Variants in OTOA observed in about 807,000 individuals in gnomAD.
The protein encoded by OTOA is otoancorin.
In OTOA, 70 loss-of-function variants were observed where a neutral mutation model predicts 110.8. The observed-to-expected ratio is 0.63, with a 90% CI of 0.52 to 0.77. The LOEUF (loss-of-function observed/expected upper bound fraction) is 0.77. Ranked by LOEUF, OTOA falls within the 30% of genes least tolerant of loss-of-function variation. The pLI, the probability that OTOA is intolerant of heterozygous loss-of-function variation, is 0.00. For synonymous variants in OTOA, 373 were observed against 431.5 expected (o/e 0.86, Z 1.68); for missense variants, 917 against 1,075.8 (o/e 0.85, Z 2.06).
intron 28 of OTOA, among the ~76,000 whole-genome samples, chr16:21,758,161 C>G (rs1168913932): frequency 2.0e-5 from 3 of 151,822 alleles, no homozygotes; most frequent in South Asian, 2.1e-4. Context: ...TTTTTCTCCC[C>G]CATGCCTTTC....
At chr16:21,689,570 G>T (rs1255724431) in intron 8 of OTOA, among the ~76,000 whole-genome samples, 2 of 152,134 alleles carry the variant, frequency 1.3e-5, no homozygotes, top group Non-Finnish European at 2.9e-5. Context: ...AATAGTTTTA[G>T]GTGTAGGGCT....
rs143918653 is a variant in OTOA at position 21,697,989 on chromosome 16, C to T, written c.840+114C>T. ...TCAAGGTGCCTTGGAAATTGTGTAC[C>T]CTCCTCAGCCCAATAGACCTTGGGC... On this transcript the variant is annotated intron_variant, in intron 10 of 28. Transcript: ENST00000646100. The T allele has an allele frequency of 4.5e-6, 4 of 883,874 alleles. No homozygotes were observed. The African/African-American group carries it at 6.6e-5, about 15-fold the overall frequency. 54.8% of individuals were successfully genotyped at this position (883,874 alleles called of 1,614,324 possible). A position where few individuals can be genotyped will look rare whatever the true frequency, so the allele number is the denominator to read the frequency against.
intron 19 of OTOA, 82 bp downstream of exon 19, chr16:21,726,740 A>T: frequency 6.4e-7 from 1 of 1,572,362 alleles, no homozygotes; most frequent in Admixed American, 1.7e-5. Flanking sequence ...TCTGGCTAGG[A>T]TCTTGAGCCT....
intron 1 of OTOA, among the ~76,000 whole-genome samples, chr16:21,675,063 GT>G (rs998489163): frequency 1.6e-5 from 2 of 123,256 alleles, no homozygotes; most frequent in Admixed American, 8.8e-5. Context: ...TTTTCTTTCT[GT>G]CTTTCTTTCT....
chr16:21,719,159 A>G lies in OTOA; in HGVS notation c.1656A>G (p.Leu552=), dbSNP rs1218837758. ...SQALFLYELL[L]KTTRRPEELL... is the part of the protein sequence containing the mutation. ...CTCTGTTCCTGTATGAGCTTCTGTT[A>G]AAGACCACCAGAAGGCCTGAGGAGC... Residue 552 remains leucine, a synonymous_variant, in exon 16 of 29, where the codon TTA becomes TTG. Transcript: ENST00000646100. 6.2e-7 allele frequency: 1 copy of G among 1,614,028 alleles called. No homozygotes were observed. Among genetic ancestry groups the G allele is most frequent in the Non-Finnish European group, 8.5e-7 (1 of 1,180,016 alleles).
At chr16:21,667,716 C>T (rs1055638978) in intron 1 of OTOA, among the ~76,000 whole-genome samples, 47 of 152,090 alleles carry the variant, frequency 3.1e-4, no homozygotes, top group South Asian at 8.3e-4. Context: ...GGTCCCTGTC[C>T]CAAGTACTCA....
At chr16:21,674,268 C>T (rs766443376) in intron 1 of OTOA, among the ~76,000 whole-genome samples, 1 of 152,132 alleles carries the variant, frequency 6.6e-6, no homozygotes, top group East Asian at 1.9e-4. Flanking sequence ...TGTGAGTGAT[C>T]CAGTTTCTCC....
At chr16:21,666,865 G>T (rs1321802969) in intron 1 of OTOA, among the ~76,000 whole-genome samples, 1 of 152,056 alleles carries the variant, frequency 6.6e-6, no homozygotes, top group East Asian at 1.9e-4. Context: ...GCAGTTTCTC[G>T]CTGGAAAAAG....
chr16:21,682,278 G>T (rs1479563390), intron 6 of OTOA, among the ~76,000 whole-genome samples: 1 of 152,180 alleles, frequency 6.6e-6, no homozygotes, highest in Non-Finnish European at 1.5e-5. Flanking sequence ...CCAGGGGATG[G>T]GTGGGAAGAA....
At chr16:21,698,600 T>C (rs1207302267) in intron 10 of OTOA, among the ~76,000 whole-genome samples, 1 of 152,140 alleles carries the variant, frequency 6.6e-6, no homozygotes, top group Non-Finnish European at 1.5e-5. Context: ...GTGAGAGAAG[T>C]GTTTGCATCA....
intron 28 of OTOA, among the ~76,000 whole-genome samples, chr16:21,757,634 T>TATTATTATTATTATTA (rs1567410876): frequency 6.6e-6 from 1 of 152,114 alleles, no homozygotes; most frequent in African/African-American, 2.4e-5. Context: ...TTATTATTAT[T>TATTATTATTATTATTA]TTGACTCAGA....
chr16:21,668,459 CT>C (rs374673931), intron 1 of OTOA, among the ~76,000 whole-genome samples: 206 of 122,022 alleles, frequency 1.7e-3, no homozygotes, highest in East Asian at 0.011. Flanking sequence ...TTGTTTCTTT[CT>C]TTTTTTTTTT....
chr16:21,719,478 A>G lies in OTOA; in HGVS notation c.1780A>G (p.Asn594Asp), dbSNP rs759444825. The change falls in exon 17 of 29, where the codon AAC becomes GAC. Residue 594 changes from asparagine (N) to aspartate (D), a missense_variant. This residue lies in a region of OTOA where 840 missense variants were observed against 910.2 expected (regional missense o/e 0.92). Coordinates refer to ENST00000646100, the MANE Select transcript of OTOA (RefSeq NM_144672.4). Reference protein sequence around the residue: ...FLAHFQDFQNNFALLSPYQVN... With the variant: ...FLAHFQDFQNDFALLSPYQVN... ...GGCCCATTTCCAGGATTTTCAGAAC[A>G]ACTTCGCCCTGCTTTCACCCTATCA... 6.2e-7 allele frequency: 1 copy of G among 1,614,062 alleles called. No individual in the cohort carries two copies. The highest frequency in any genetic ancestry group is 1.1e-5 in the South Asian group (1 of 91,078).
At chr16:21,710,512 C>A (rs1415112211) in intron 13 of OTOA, among the ~76,000 whole-genome samples, 1 of 152,144 alleles carries the variant, frequency 6.6e-6, no homozygotes. Context: ...CATATGAATT[C>A]TTGGGAGACA....
intron 17 of OTOA, among the ~76,000 whole-genome samples, chr16:21,721,904 T>C (rs1371724016): frequency 6.6e-6 from 1 of 151,040 alleles, no homozygotes; most frequent in African/African-American, 2.4e-5. Context: ...AACCAAATTT[T>C]AAAAAAGTAT....
chr16:21,718,597 G>T (rs1409813419), intron 15 of OTOA, among the ~76,000 whole-genome samples: 1 of 152,162 alleles, frequency 6.6e-6, no homozygotes, highest in Non-Finnish European at 1.5e-5. Context: ...CTGCAAGTTA[G>T]GGATTCTGTA....
chr16:21,713,906 G>T (rs1208191963), intron 13 of OTOA, among the ~76,000 whole-genome samples: 3 of 152,136 alleles, frequency 2.0e-5, no homozygotes, highest in Non-Finnish European at 4.4e-5. Flanking sequence ...TGATTTTAGG[G>T]AGTTGAGGGA....
At chr16:21,726,743 T>C in intron 19 of OTOA, 85 bp downstream of exon 19, 1 of 1,566,686 alleles carries the variant, frequency 6.4e-7, no homozygotes, top group Admixed American at 1.7e-5. Flanking sequence ...GGCTAGGATC[T>C]TGAGCCTGCT....
At position 21,674,004 on chromosome 16, in the gene OTOA, AG is replaced by A. The variant is rs1204878737; in HGVS notation, c.-4-4506del. On this transcript the variant is annotated intron_variant, in intron 1 of 28. Transcript: ENST00000646100. ...AGTAGAGATGGGGTTTCACCATGTT[AG>A]CCAGGATGGTCTTGATCTCCTGACC... Among the ~76,000 whole-genome samples, 7 of 151,996 alleles carry A rather than the reference AG, an allele frequency of 4.6e-5. No homozygotes were observed. The East Asian group carries it at 1.4e-3, about 30-fold the overall frequency.
Sources: allele counts gnomAD v4.1 joint callset (sites outside exome capture counted in the v4.1 genomes callset), GRCh38; gene constraint gnomAD v4.1.1; regional missense constraint gnomAD v4.1.1; transcripts MANE v1.5; gene names NCBI Gene and HGNC (gene_info 2026-07-23, HGNC 2026-07-21).